CCDC7: variants seen among roughly 807,000 people sequenced by gnomAD.
The protein encoded by CCDC7 is coiled-coil domain containing 7, also known as coiled-coil domain-containing protein 7.
CCDC7 carries 183 observed loss-of-function variants against 196.9 expected under a neutral mutation model. The observed-to-expected ratio is 0.93, with a 90% CI of 0.82 to 1.05. CCDC7 has a LOEUF of 1.05. Ranked by LOEUF, CCDC7 falls within the 50% of genes least tolerant of loss-of-function variation. The pLI is 0.00. For synonymous variants in CCDC7, 525 were observed against 484.6 expected (o/e 1.08, Z -1.10); for missense variants, 1,540 against 1,482.2 (o/e 1.04, Z -0.64).
At chr10:32,833,113 A>T (rs1275288542) in intron 32 of CCDC7, among the ~76,000 whole-genome samples, 1 of 152,152 alleles carries the variant, frequency 6.6e-6, no homozygotes, top group Admixed American at 6.6e-5. Flanking sequence ...AAAGTTATAT[A>T]GAGAAATAAT....
At chr10:32,681,744 C>A (rs1591539215) in intron 21 of CCDC7, among the ~76,000 whole-genome samples, 1 of 88,166 alleles carries the variant, frequency 1.1e-5, no homozygotes, top group Non-Finnish European at 2.8e-5. Flanking sequence ...TGTATACACA[C>A]ACACACACAC....
At chr10:32,509,692 C>T (rs1295672742) in intron 9 of CCDC7, among the ~76,000 whole-genome samples, 3 of 152,050 alleles carry the variant, frequency 2.0e-5, no homozygotes, top group African/African-American at 2.4e-5. Flanking sequence ...ACAAGGGACT[C>T]ATACAACTGA....
intron 30 of CCDC7, among the ~76,000 whole-genome samples, chr10:32,813,852 A>G (rs1470274392): frequency 6.6e-6 from 1 of 152,202 alleles, no homozygotes; most frequent in Non-Finnish European, 1.5e-5. Context: ...GCCTGAATAT[A>G]GTCTGGCTTA....
Position 32,640,765 on chromosome 10 carries a change from T to C in CCDC7, c.2014+5607T>C, listed in dbSNP as rs574082180. 2.3e-3 allele frequency among the ~76,000 whole-genome samples: 353 copies of C among 152,252 alleles called. 2 individuals are homozygous for C. The highest frequency in any genetic ancestry group is 2.9e-3 in the Non-Finnish European group (194 of 68,020). On this transcript the variant is annotated intron_variant, in intron 20 of 41. Transcript: ENST00000639629. Reference sequence around the variant, plus strand: ...AAGGATTTTATTTCTCCTTCACTTATGAAGCTTAGTTTGGCTGGATATGAA... The same window carrying C: ...AAGGATTTTATTTCTCCTTCACTTACGAAGCTTAGTTTGGCTGGATATGAA...
chr10:32,657,082 G>A (rs889791167), intron 20 of CCDC7, among the ~76,000 whole-genome samples: 4 of 152,238 alleles, frequency 2.6e-5, no homozygotes, highest in Admixed American at 2.0e-4. Flanking sequence ...GTGGGCTTCC[G>A]TGGCCTTAGG....
chr10:32,586,159 G>A (rs1011604121), intron 18 of CCDC7, among the ~76,000 whole-genome samples: 3 of 152,122 alleles, frequency 2.0e-5, no homozygotes, highest in African/African-American at 4.8e-5. Flanking sequence ...TTTGTTGGCC[G>A]CATAAATGTC....
chr10:32,635,503 C>T (rs957060391), intron 20 of CCDC7, among the ~76,000 whole-genome samples: 4 of 151,930 alleles, frequency 2.6e-5, no homozygotes, highest in Non-Finnish European at 5.9e-5. Flanking sequence ...TGTTTGTTTG[C>T]CTTAAAAACT....
At chr10:32,446,858 C>CT (rs1190626342), upstream of CCDC7, among the ~76,000 whole-genome samples, 202 of 150,634 alleles carry the variant, frequency 1.3e-3, no homozygotes, top group African/African-American at 4.3e-3. Context: ...TTGTCAGGTT[C>CT]TTTTTTTTTG....
At chr10:32,567,052 A>T (rs1255142385) in intron 14 of CCDC7, among the ~76,000 whole-genome samples, 1 of 145,792 alleles carries the variant, frequency 6.9e-6, no homozygotes, top group Non-Finnish European at 1.5e-5. Context: ...ATATATATAT[A>T]ATATATATAG....
chr10:32,723,849 A>G (rs1377656026), intron 25 of CCDC7, among the ~76,000 whole-genome samples: 1 of 152,024 alleles, frequency 6.6e-6, no homozygotes, highest in East Asian at 1.9e-4. Context: ...AGTCTCAACA[A>G]TTTGCTGCAT....
chr10:32,511,254 T>TGGGGGGGGG (rs1167793491), intron 9 of CCDC7: 1 of 593,316 alleles, frequency 1.7e-6, no homozygotes, highest in Admixed American at 3.7e-5. Context: ...AATTATTCTG[T>TGGGGGGGGG]GGGGGGCGGG....
intron 26 of CCDC7, among the ~76,000 whole-genome samples, chr10:32,727,417 T>C (rs951470477): frequency 1.3e-5 from 2 of 152,124 alleles, no homozygotes; most frequent in African/African-American, 4.8e-5. Context: ...CAACAATGAT[T>C]GTGCTTCCTT....
At chr10:32,596,630 C>T (rs915387329) in intron 18 of CCDC7, among the ~76,000 whole-genome samples, 6 of 152,160 alleles carry the variant, frequency 3.9e-5, no homozygotes, top group Non-Finnish European at 7.3e-5. Flanking sequence ...CTAGCCTCGA[C>T]GATCTTTACA....
intron 29 of CCDC7, among the ~76,000 whole-genome samples, chr10:32,787,153 G>T (rs2082009819): frequency 6.6e-6 from 1 of 151,524 alleles, no homozygotes; most frequent in Admixed American, 6.6e-5. Context: ...AGAAATGATG[G>T]GTAAAAAATA....
At chr10:32,869,791 A>G (rs888567675) in intron 41 of CCDC7, among the ~76,000 whole-genome samples, 5 of 81,032 alleles carry the variant, frequency 6.2e-5, no homozygotes, top group African/African-American at 1.4e-4. Flanking sequence ...ATAGCTAGCC[A>G]GCACCATTTA....
chr10:32,470,643 T>C (rs566562867), intron 5 of CCDC7, among the ~76,000 whole-genome samples: 17 of 152,260 alleles, frequency 1.1e-4, no homozygotes, highest in African/African-American at 4.1e-4. Flanking sequence ...TTTTAACTTC[T>C]GGGAGTTAGT....
chr10:32,635,211 CT>C (rs913475858), intron 20 of CCDC7, 53 bp downstream of exon 21: 13 of 395,236 alleles, frequency 3.3e-5, no homozygotes, highest in Non-Finnish European at 4.9e-5. Flanking sequence ...TATTAAACAG[CT>C]TTTTTTATGG....
chr10:32,482,261 T>C (rs1336651067), intron 8 of CCDC7, among the ~76,000 whole-genome samples: 1 of 152,078 alleles, frequency 6.6e-6, no homozygotes, highest in African/African-American at 2.4e-5. Flanking sequence ...ATATATTGTG[T>C]CGTGGTGAAG....
At chr10:32,594,889 AG>A (rs1387672835) in intron 18 of CCDC7, among the ~76,000 whole-genome samples, 1 of 152,216 alleles carries the variant, frequency 6.6e-6, no homozygotes, top group Non-Finnish European at 1.5e-5. Context: ...CTTGCATCCC[AG>A]GGATGAAGCC....
Sources: gnomAD v4.1 joint callset for allele counts (sites outside exome capture counted in the v4.1 genomes callset) on GRCh38, gnomAD v4.1.1 for gene constraint, MANE v1.5 for transcripts, NCBI Gene and HGNC (gene_info 2026-07-23, HGNC 2026-07-21) for gene names.